Variants in UNC13C observed in about 807,000 individuals in gnomAD.
The protein encoded by UNC13C is unc-13 homolog C.
In UNC13C, 174 loss-of-function variants were observed where a neutral mutation model predicts 245.4. That is an observed-to-expected ratio of 0.71 (90% CI 0.63 to 0.80). The LOEUF is 0.80. Ranked by LOEUF, UNC13C falls within the 30% of genes least tolerant of loss-of-function variation. The pLI, the probability that UNC13C is intolerant of heterozygous loss-of-function variation, is 0.00. For synonymous variants in UNC13C, 992 were observed against 895.1 expected (o/e 1.11, Z -1.93); for missense variants, 2,829 against 2,602.9 (o/e 1.09, Z -1.89).
intron 28 of UNC13C, 67 bp downstream of exon 28, chr15:54,549,758 C>T (rs1896652013): frequency 1.0e-6 from 1 of 973,368 alleles, no homozygotes; most frequent in African/African-American, 1.6e-5. Flanking sequence ...TGCAAGCATC[C>T]TCCTCCTAGT....
chr15:54,517,970 G>A (rs754855295), intron 24 of UNC13C, among the ~76,000 whole-genome samples: 1 of 152,150 alleles, frequency 6.6e-6, no homozygotes, highest in African/African-American at 2.4e-5. Context: ...TTTGGCTGAC[G>A]TCAGTAAAAG....
chr15:54,511,872 G>C (rs1370091856), intron 24 of UNC13C, 42 bp downstream of exon 24: 4 of 1,390,312 alleles, frequency 2.9e-6, no homozygotes, highest in Non-Finnish European at 4.0e-6. Flanking sequence ...AACCTACTTA[G>C]AGATTATTAG....
the UNC13C span, among the ~76,000 whole-genome samples, chr15:53,935,664 G>C: frequency 2.0e-5 from 3 of 152,296 alleles, no homozygotes; most frequent in African/African-American, 7.2e-5. Context: ...TCAACCCACA[G>C]AGGGTGAGGA....
chr15:54,186,836 A>AATAT (rs372623344), intron 4 of UNC13C, among the ~76,000 whole-genome samples: 6,296 of 126,094 alleles, frequency 0.05, 535 homozygotes, highest in East Asian at 0.15. Flanking sequence ...CAAAGAACAT[A>AATAT]ATATATATGT....
intron 4 of UNC13C, among the ~76,000 whole-genome samples, chr15:54,194,143 C>G (rs2034277168): frequency 6.6e-6 from 1 of 152,172 alleles, no homozygotes; most frequent in South Asian, 2.1e-4. Flanking sequence ...AGAGATCACT[C>G]TGGCTGCTCC....
In UNC13C at chr15:54,622,422, A is replaced by G; in HGVS notation, c.6199+3A>G. ...AGATCATAAAGTCACTGTAAAAGGT[A>G]TACTTCTGGTCTAGATAAATCAAAA... On this transcript the variant is annotated splice_donor_region_variant and intron_variant, in intron 31 of 32. Transcript: ENST00000260323. 2 of 1,607,512 alleles carry G rather than the reference A, an allele frequency of 1.2e-6. No homozygotes were observed. Among genetic ancestry groups the G allele is most frequent in the Non-Finnish European group, 1.7e-6 (2 of 1,174,234 alleles).
At chr15:53,945,277 G>C in the UNC13C span, among the ~76,000 whole-genome samples, 2 of 152,100 alleles carry the variant, frequency 1.3e-5, no homozygotes, top group Non-Finnish European at 2.9e-5. Flanking sequence ...TTTTGCTTTT[G>C]TTGCAATTGC....
At chr15:54,183,368 C>A (rs77958511) in intron 4 of UNC13C, among the ~76,000 whole-genome samples, 2 of 150,806 alleles carry the variant, frequency 1.3e-5, no homozygotes, top group Admixed American at 1.3e-4. Context: ...TGAATTTAGG[C>A]AAACTAGATG....
chr15:53,883,067 G>A, the UNC13C span, among the ~76,000 whole-genome samples: 1,999 of 151,868 alleles, frequency 0.013, 58 homozygotes, highest in East Asian at 0.12. Context: ...AAAAGTTAAA[G>A]GAAAAAATTC....
In UNC13C at chr15:54,295,291, C is replaced by T. The variant is rs559327980; in HGVS notation, c.3988+1227C>T. Among the ~76,000 whole-genome samples, 6 of 152,226 alleles carry T rather than the reference C, an allele frequency of 3.9e-5. No homozygotes were observed. The South Asian group carries it at 1.2e-3, about 32-fold the overall frequency. ...CTTTTCTGTAATACGTTAACATATTCTTGGGTCGAGGCAGTAAAGTTGTAA... is the reference window on the plus strand; with the variant it reads ...CTTTTCTGTAATACGTTAACATATTTTTGGGTCGAGGCAGTAAAGTTGTAA... On this transcript the variant is annotated intron_variant, in intron 11 of 32. Transcript: ENST00000260323.
At chr15:54,296,370 T>C (rs1255964726) in intron 11 of UNC13C, among the ~76,000 whole-genome samples, 1 of 101,698 alleles carries the variant, frequency 9.8e-6, no homozygotes, top group Admixed American at 9.0e-5. Flanking sequence ...CCGGCTAATT[T>C]TTTTTTTTTT....
the UNC13C span, among the ~76,000 whole-genome samples, chr15:53,876,716 T>C: frequency 6.6e-6 from 1 of 152,320 alleles, no homozygotes; most frequent in South Asian, 2.1e-4. Flanking sequence ...GTATAAACTG[T>C]TATAATTACC....
chr15:54,501,398 C>T (rs1894204736), intron 22 of UNC13C, among the ~76,000 whole-genome samples: 1 of 152,008 alleles, frequency 6.6e-6, no homozygotes, highest in Non-Finnish European at 1.5e-5. Context: ...ACAAATCAAC[C>T]AATAATTGTA....
chr15:54,321,028 T>C, intron 13 of UNC13C: 2 of 457,102 alleles, frequency 4.4e-6, no homozygotes, highest in Non-Finnish European at 8.5e-6. Context: ...TAACGTTTCC[T>C]CCATGACCAA....
chr15:54,381,341 G>A (rs1215837855), intron 17 of UNC13C, among the ~76,000 whole-genome samples: 1 of 152,158 alleles, frequency 6.6e-6, no homozygotes, highest in Non-Finnish European at 1.5e-5. Flanking sequence ...ATACTGTTTT[G>A]GTTACTATGG....
intron 23 of UNC13C, among the ~76,000 whole-genome samples, chr15:54,510,501 CT>C (rs1414666591): frequency 7.0e-6 from 1 of 142,598 alleles, no homozygotes; most frequent in Non-Finnish European, 1.5e-5. Flanking sequence ...AAAACAGAAT[CT>C]TTGGGGGATA....
At chr15:54,155,497 A>G (rs2032704973) in intron 4 of UNC13C, among the ~76,000 whole-genome samples, 1 of 152,214 alleles carries the variant, frequency 6.6e-6, no homozygotes, top group Non-Finnish European at 1.5e-5. Context: ...AATAGAGTAT[A>G]ATCATGTATA....
chr15:54,282,274 C>T (rs1338772889), intron 10 of UNC13C, among the ~76,000 whole-genome samples: 3 of 152,104 alleles, frequency 2.0e-5, no homozygotes, highest in Admixed American at 6.5e-5. Flanking sequence ...CATACATATA[C>T]ACATACATAT....
intron 18 of UNC13C, among the ~76,000 whole-genome samples, chr15:54,399,498 A>G (rs370395453): frequency 1.3e-5 from 2 of 151,848 alleles, no homozygotes; most frequent in African/African-American, 2.4e-5. Flanking sequence ...AATATCTTTC[A>G]TCCATTCTGT....
Sources: allele counts gnomAD v4.1 joint callset (sites outside exome capture counted in the v4.1 genomes callset), GRCh38; gene constraint gnomAD v4.1.1; transcripts MANE v1.5; gene names NCBI Gene and HGNC (gene_info 2026-07-23, HGNC 2026-07-21).